Variants in CEP112 observed in about 807,000 individuals in gnomAD.
CEP112 encodes the protein centrosomal protein 112.
CEP112 carries 127 observed loss-of-function variants against 153.0 expected under a neutral mutation model. The ratio of observed to expected loss-of-function variants is 0.83; its 90% CI spans 0.72 to 0.96. CEP112 has a LOEUF of 0.96. CEP112 is among the 40% of genes least tolerant of loss of function. CEP112 has a pLI of 0.00. For missense variants in CEP112, 1,089 were observed against 1,101.2 expected (o/e 0.99, Z 0.16); for synonymous variants, 358 against 374.4 (o/e 0.96, Z 0.51).
chr17:65,916,945 A>T (rs1015122010), intron 19 of CEP112, among the ~76,000 whole-genome samples: 5 of 152,150 alleles, frequency 3.3e-5, no homozygotes, highest in African/African-American at 1.2e-4. Flanking sequence ...AGAGGAAGAG[A>T]AGGCTCTTCA....
chr17:66,116,206 G>A (rs924618418), intron 6 of CEP112, among the ~76,000 whole-genome samples: 1 of 152,154 alleles, frequency 6.6e-6, no homozygotes, highest in Non-Finnish European at 1.5e-5. Flanking sequence ...CAGATACAGT[G>A]CTTACCTATA....
chr17:66,094,061 A>T (rs997581460), intron 8 of CEP112, among the ~76,000 whole-genome samples: 21 of 151,868 alleles, frequency 1.4e-4, no homozygotes, highest in African/African-American at 5.1e-4. Flanking sequence ...TATTATTTTT[A>T]TTTATTTATT....
chr17:65,721,368 T>C (rs990078658), intron 23 of CEP112, among the ~76,000 whole-genome samples: 10 of 152,146 alleles, frequency 6.6e-5, no homozygotes, highest in Non-Finnish European at 1.5e-4. Context: ...GAGGATACTT[T>C]AAGCCTTAAG....
chr17:66,148,017 T>C (rs2070996482), intron 4 of CEP112, among the ~76,000 whole-genome samples: 1 of 152,212 alleles, frequency 6.6e-6, no homozygotes, highest in Admixed American at 6.5e-5. Flanking sequence ...AACTTCAGGA[T>C]ACTGTATTAG....
intron 6 of CEP112, among the ~76,000 whole-genome samples, chr17:66,116,467 T>C (rs2069299045): frequency 6.6e-6 from 1 of 152,334 alleles, no homozygotes; most frequent in South Asian, 2.1e-4. Flanking sequence ...GGATCTTTGA[T>C]CCTCAATATC....
chr17:65,666,031 C>T (rs917910662), intron 24 of CEP112, among the ~76,000 whole-genome samples: 1 of 152,212 alleles, frequency 6.6e-6, no homozygotes, highest in Non-Finnish European at 1.5e-5. Context: ...CAACTCTGAT[C>T]ACTCAAAACT....
At chr17:65,888,603 T>C (rs1341558595) in intron 20 of CEP112, among the ~76,000 whole-genome samples, 1 of 152,206 alleles carries the variant, frequency 6.6e-6, no homozygotes, top group African/African-American at 2.4e-5. Flanking sequence ...ATTTTGAATT[T>C]TGGAATGCAT....
At chr17:65,826,839 T>C (rs2056860837) in intron 21 of CEP112, among the ~76,000 whole-genome samples, 1 of 152,228 alleles carries the variant, frequency 6.6e-6, no homozygotes, top group African/African-American at 2.4e-5. Flanking sequence ...AGTGTCAACT[T>C]GACTGGAATG....
chr17:66,126,424 G>A (rs1447494919), intron 6 of CEP112, among the ~76,000 whole-genome samples: 1 of 151,950 alleles, frequency 6.6e-6, no homozygotes, highest in Non-Finnish European at 1.5e-5. Context: ...TCACTAAAGG[G>A]AGAATGTTCC....
intron 20 of CEP112, among the ~76,000 whole-genome samples, chr17:65,885,266 A>T (rs2146653946): frequency 6.6e-6 from 1 of 152,282 alleles, no homozygotes; most frequent in Non-Finnish European, 1.5e-5. Context: ...TTTACTTTAA[A>T]GTGAACTTGG....
At chr17:65,659,633 C>A (rs1224435395) in intron 24 of CEP112, among the ~76,000 whole-genome samples, 1 of 152,204 alleles carries the variant, frequency 6.6e-6, no homozygotes, top group Admixed American at 6.5e-5. Flanking sequence ...AACACTGACT[C>A]CATTCAGGAG....
At chr17:65,957,683 C>T (rs2062047453) in intron 18 of CEP112, among the ~76,000 whole-genome samples, 1 of 151,968 alleles carries the variant, frequency 6.6e-6, no homozygotes, top group Non-Finnish European at 1.5e-5. Flanking sequence ...TTTATTATTA[C>T]AATTATATAC....
At chr17:66,072,924 A>G (rs2067356012) in intron 8 of CEP112, among the ~76,000 whole-genome samples, 1 of 152,210 alleles carries the variant, frequency 6.6e-6, no homozygotes, top group African/African-American at 2.4e-5. Context: ...ATATAAAGAC[A>G]GTATAAGGAT....
intron 6 of CEP112, among the ~76,000 whole-genome samples, chr17:66,115,477 C>T (rs1317129933): frequency 6.6e-6 from 1 of 152,208 alleles, no homozygotes; most frequent in African/African-American, 2.4e-5. Context: ...ACCCAAGAGT[C>T]CCATAGACAG....
At chr17:66,082,022 A>C (rs545317606) in intron 8 of CEP112, among the ~76,000 whole-genome samples, 3 of 152,192 alleles carry the variant, frequency 2.0e-5, no homozygotes, top group South Asian at 2.1e-4. Flanking sequence ...GGTCAAAGGA[A>C]ATTTTCTATT....
intron 8 of CEP112, 52 bp downstream of exon 8, chr17:66,096,199 A>T: frequency 7.7e-7 from 1 of 1,300,070 alleles, no homozygotes; most frequent in South Asian, 1.4e-5. Flanking sequence ...AGATTACATA[A>T]AATATTAAAA....
chr17:65,885,910 C>A (rs1246863125), intron 20 of CEP112, among the ~76,000 whole-genome samples: 2 of 152,174 alleles, frequency 1.3e-5, no homozygotes, highest in Non-Finnish European at 2.9e-5. Flanking sequence ...GCTAATGCCA[C>A]ATTTGCAAGT....
intron 21 of CEP112, among the ~76,000 whole-genome samples, chr17:65,811,926 C>T (rs2055984473): frequency 6.6e-6 from 1 of 151,896 alleles, no homozygotes; most frequent in African/African-American, 2.4e-5. Context: ...GTAAATTATT[C>T]TCTTTTTCTT....
At chr17:66,123,979 G>T (rs1053174953) in intron 6 of CEP112, among the ~76,000 whole-genome samples, 3 of 152,204 alleles carry the variant, frequency 2.0e-5, no homozygotes, top group Non-Finnish European at 4.4e-5. Flanking sequence ...ACTGCATTCA[G>T]ATCAGTCTGC....
Sources: allele counts gnomAD v4.1 joint callset (sites outside exome capture counted in the v4.1 genomes callset), GRCh38; gene constraint gnomAD v4.1.1; transcripts MANE v1.5; gene names NCBI Gene and HGNC (gene_info 2026-07-23, HGNC 2026-07-21).